Variants in SCAF8 observed in about 807,000 individuals in gnomAD.
SCAF8 encodes the protein SR-related CTD associated factor 8, also known as SR-related and CTD-associated factor 8.
Under a neutral mutation model 140.5 loss-of-function variants are expected in SCAF8, and 23 were observed. That is an observed-to-expected ratio of 0.16 (90% CI 0.12 to 0.23). The LOEUF (loss-of-function observed/expected upper bound fraction) is 0.23, where lower values mean the gene tolerates loss of function less well. Among genes scored for constraint, SCAF8 ranks in the 10% least tolerant of loss-of-function variants. SCAF8 has a pLI of 1.00. For synonymous variants in SCAF8, 575 were observed against 528.9 expected (o/e 1.09, Z -1.20); for missense variants, 1,397 against 1,555.7 (o/e 0.90, Z 1.72).
intron 4 of SCAF8, among the ~76,000 whole-genome samples, chr6:154,788,897 C>G (rs1472553291): frequency 6.6e-6 from 1 of 152,042 alleles, no homozygotes; most frequent in Non-Finnish European, 1.5e-5. Flanking sequence ...CTTTTTCTGA[C>G]AGGGTTGATT....
At chr6:154,762,968 C>A (rs1280780301) in intron 1 of SCAF8, among the ~76,000 whole-genome samples, 1 of 152,082 alleles carries the variant, frequency 6.6e-6, no homozygotes, top group Non-Finnish European at 1.5e-5. Flanking sequence ...TTGTGTCATT[C>A]CTGCCCTGTA....
chr6:154,827,834 C>CG (rs36065536), intron 18 of SCAF8, among the ~76,000 whole-genome samples: 21,913 of 80,510 alleles, frequency 0.27, 3,323 homozygotes, highest in Non-Finnish European at 0.33. Context: ...TGGGGCGGGG[C>CG]GGGGGGGGGG....
intron 1 of SCAF8, among the ~76,000 whole-genome samples, chr6:154,746,146 A>G (rs1277757272): frequency 6.6e-6 from 1 of 152,202 alleles, no homozygotes; most frequent in Non-Finnish European, 1.5e-5. Flanking sequence ...TTGGCCTCCC[A>G]AAGTGCTGGG....
At chr6:154,777,886 G>C (rs1776962605) in intron 2 of SCAF8, 115 bp from the exon 3 acceptor site, 2 of 662,752 alleles carry the variant, frequency 3.0e-6, no homozygotes, top group East Asian at 2.8e-5. Context: ...CAAAATTCTT[G>C]GTTAAGATAA....
At chr6:154,824,409 C>CT in intron 17 of SCAF8, 31 bp downstream of exon 17, 1 of 1,569,818 alleles carries the variant, frequency 6.4e-7, no homozygotes, top group Non-Finnish European at 8.8e-7. Flanking sequence ...TATTTGAACT[C>CT]TATTTAGATT....
chr6:154,783,479 C>T (rs762928772), intron 3 of SCAF8, among the ~76,000 whole-genome samples: 4 of 152,058 alleles, frequency 2.6e-5, no homozygotes, highest in African/African-American at 4.8e-5. Flanking sequence ...CTATGATTAC[C>T]TTCTTCAAAT....
chr6:154,749,454 A>G (rs1044830905), intron 1 of SCAF8, among the ~76,000 whole-genome samples: 4 of 152,202 alleles, frequency 2.6e-5, no homozygotes, highest in African/African-American at 4.8e-5. Flanking sequence ...GTAGTCCGCA[A>G]CATTAGATAC....
rs562054693 is a variant in SCAF8 at position 154,831,927 on chromosome 6, C to CT, written c.2360-3dup. 1.1e-3 allele frequency: 1,585 copies of CT among 1,474,202 alleles called. 1 individual carries two copies. Among genetic ancestry groups the CT allele is most frequent in the Admixed American group, 2.8e-3 (129 of 46,626 alleles). 91.3% of individuals were successfully genotyped at this position (1,474,202 alleles called of 1,614,324 possible). The stretch of plus-strand genomic sequence containing the variant: ...GTTATTTTGAGTTTTTTCTCTCTCT[C>CT]TTTTTTTTTAGTGATTCCAAATGAT... On this transcript the variant is annotated splice_polypyrimidine_tract_variant and intron_variant, in intron 19 of 19. Coordinates refer to ENST00000367178, the MANE Select transcript of SCAF8 (RefSeq NM_014892.5).
intron 1 of SCAF8, among the ~76,000 whole-genome samples, chr6:154,767,649 C>T (rs1022180764): frequency 6.7e-6 from 1 of 150,024 alleles, no homozygotes; most frequent in Admixed American, 6.7e-5. Flanking sequence ...AAGTGATCCT[C>T]ACACCTCAGC....
chr6:154,751,003 G>T (rs1290485497), intron 1 of SCAF8, among the ~76,000 whole-genome samples: 2 of 152,138 alleles, frequency 1.3e-5, no homozygotes, highest in Non-Finnish European at 2.9e-5. Context: ...GGACTGTGTG[G>T]ATCCCAGGAA....
intron 9 of SCAF8, 39 bp from the exon 10 acceptor site, chr6:154,808,031 A>G (rs1216119145): frequency 6.4e-6 from 10 of 1,553,472 alleles, no homozygotes; most frequent in Admixed American, 2.0e-5. Context: ...AACAAAAAGT[A>G]TCTCCCAATC....
chr6:154,798,149 TTAA>T (rs1777662830), intron 6 of SCAF8, among the ~76,000 whole-genome samples: 1 of 151,428 alleles, frequency 6.6e-6, no homozygotes, highest in Non-Finnish European at 1.5e-5. Context: ...AGCCTAAAGT[TTAA>T]TAATCAAGAT....
chr6:154,756,697 G>A (rs1250253683), intron 1 of SCAF8, among the ~76,000 whole-genome samples: 1 of 152,070 alleles, frequency 6.6e-6, no homozygotes, highest in Non-Finnish European at 1.5e-5. Flanking sequence ...ATGATGTTGG[G>A]GATTATTTCA....
At chr6:154,755,001 G>C (rs577703810) in intron 1 of SCAF8, among the ~76,000 whole-genome samples, 7 of 152,070 alleles carry the variant, frequency 4.6e-5, no homozygotes, top group Non-Finnish European at 7.4e-5. Context: ...AATACTCAAA[G>C]TTGAAAACTT....
intron 3 of SCAF8, among the ~76,000 whole-genome samples, chr6:154,784,136 TATATATATATATATATATA>T (rs1562444122): frequency 8.4e-5 from 7 of 82,996 alleles, no homozygotes; most frequent in East Asian, 5.1e-4. Flanking sequence ...TATATATATA[TATATATATATATATATATA>T]TATTTATTTA....
chr6:154,829,002 T>TA (rs1338577457), intron 18 of SCAF8, among the ~76,000 whole-genome samples: 3 of 152,138 alleles, frequency 2.0e-5, no homozygotes, highest in Admixed American at 6.5e-5. Context: ...ACTTTTTTTT[T>TA]ATCCCAAAGG....
chr6:154,763,815 A>C (rs1040179498), intron 1 of SCAF8, among the ~76,000 whole-genome samples: 2 of 152,030 alleles, frequency 1.3e-5, no homozygotes, highest in African/African-American at 4.8e-5. Flanking sequence ...CTGGTTTTGT[A>C]AGTAAGTTCT....
chr6:154,802,189 AATATTATATACT>A (rs1777792101), intron 7 of SCAF8, 42 bp downstream of exon 7: 1 of 1,188,822 alleles, frequency 8.4e-7, no homozygotes, highest in East Asian at 2.6e-5. Context: ...TGAATTATTA[AATATTATATACT>A]ATCATGGATT....
At position 154,832,458 on chromosome 6, in the gene SCAF8, C is replaced by T. The variant is rs1778775128; in HGVS notation, c.2879C>T (p.Ser960Leu). The T allele has an allele frequency of 6.2e-7, 1 of 1,613,976 alleles. No homozygotes were observed. Reference protein sequence around the residue: ...RGIPPPSVLDSALHPPPRGPF... With the variant: ...RGIPPPSVLDLALHPPPRGPF... ...ATCCCACCCCCATCGGTACTTGATT[C>T]AGCTCTTCATCCACCACCCCGTGGA... The change falls in exon 20 of 20, where the codon TCA becomes TTA. Residue 960 changes from serine (S) to leucine (L), a missense_variant. Physicochemically the swap from Ser to Leu is moderately radical, Grantham distance 145. Coordinates refer to ENST00000367178, the MANE Select transcript of SCAF8 (RefSeq NM_014892.5).
Sources: allele counts gnomAD v4.1 joint callset (sites outside exome capture counted in the v4.1 genomes callset), GRCh38; gene constraint gnomAD v4.1.1; transcripts MANE v1.5; gene names NCBI Gene and HGNC (gene_info 2026-07-23, HGNC 2026-07-21).